The following TACC2 variants were observed in gnomAD, a reference collection of about 807,000 sequenced individuals.
The protein encoded by TACC2 is transforming acidic coiled-coil-containing protein 2.
TACC2 carries 137 observed loss-of-function variants against 227.3 expected under a neutral mutation model. That is an observed-to-expected ratio of 0.60 (90% CI 0.52 to 0.69). The LOEUF is 0.69. TACC2 is among the 30% of genes least tolerant of loss of function. The pLI is 0.00. For synonymous variants in TACC2, 1,523 were observed against 1,487.5 expected, an observed-to-expected ratio of 1.02 and a Z score of -0.55; for missense variants, 3,470 against 3,694.4, an observed-to-expected ratio of 0.94 and a Z score of 1.57.
In TACC2 at chr10:122,230,491, G is replaced by T. The variant is rs377135445; in HGVS notation, c.8127+51G>T. 859 of 1,535,258 alleles carry T rather than the reference G, an allele frequency of 5.6e-4. 2 individuals carry two copies. The highest frequency in any genetic ancestry group is 4.4e-4 in the South Asian group (39 of 89,540). ...ACCTCCTGAGAATGTCATGTGTGCC[G>T]CTGGGGTCCAGAAGCTGCTTTGCTA... is the stretch of plus-strand genomic sequence containing the variant. On this transcript the variant is annotated intron_variant, in intron 16 of 22. Coordinates refer to ENST00000369005, the MANE Select transcript of TACC2 (RefSeq NM_206862.4).
At chr10:122,253,157 C>T (rs986226542) in intron 22 of TACC2, among the ~76,000 whole-genome samples, 11 of 152,216 alleles carry the variant, frequency 7.2e-5, no homozygotes, top group African/African-American at 2.7e-4. Context: ...TTGGTGAAGA[C>T]TGATCTTCCA....
intron 5 of TACC2, among the ~76,000 whole-genome samples, chr10:122,117,426 G>T (rs2084908549): frequency 6.6e-6 from 1 of 152,012 alleles, no homozygotes; most frequent in African/African-American, 2.4e-5. Flanking sequence ...AACTCCTGCT[G>T]TCAAGTTATC....
chr10:122,182,177 G>T (rs562673020), intron 7 of TACC2, among the ~76,000 whole-genome samples: 1 of 152,326 alleles, frequency 6.6e-6, no homozygotes, highest in Admixed American at 6.5e-5. Context: ...TTGCCTTTTT[G>T]ATTAGGGAGA....
At chr10:122,155,931 G>T (rs1439315619) in intron 7 of TACC2, among the ~76,000 whole-genome samples, 1 of 139,710 alleles carries the variant, frequency 7.2e-6, no homozygotes, top group African/African-American at 2.7e-5. Flanking sequence ...TCCGCCTCCC[G>T]GGCTCACACC....
At chr10:122,076,113 G>T (rs896893038) in intron 3 of TACC2, among the ~76,000 whole-genome samples, 9 of 152,046 alleles carry the variant, frequency 5.9e-5, no homozygotes, top group African/African-American at 2.2e-4. Context: ...ATTTCTTACG[G>T]TTATGGAGGC....
Position 122,082,819 on chromosome 10 carries a change from C to T in TACC2, c.319C>T (p.Pro107Ser). The stretch of plus-strand genomic sequence containing the variant: ...ACCACCGTCCCAGGAGCGAGAGCAC[C>T]CCTCGTCCTCCATGCCCTTTGCCGA... The part of the protein sequence containing the change: ...SPPPSQEREH[P>S]SSSMPFAECP... The change falls in exon 4 of 23, where the codon CCC becomes TCC. Residue 107 changes from proline to serine, a missense_variant. Transcript: ENST00000369005. 5.6e-6 allele frequency: 9 copies of T among 1,613,704 alleles called. No individual in the cohort carries two copies. The highest frequency in any genetic ancestry group is 1.7e-5 in the Admixed American group (1 of 60,010).
chr10:122,024,474 G>C (rs542229829), intron 2 of TACC2, among the ~76,000 whole-genome samples: 1 of 152,180 alleles, frequency 6.6e-6, no homozygotes, highest in East Asian at 1.9e-4. Context: ...ATACTGACAC[G>C]GATACAGTCA....
At chr10:122,176,286 T>A (rs1010291610) in intron 7 of TACC2, among the ~76,000 whole-genome samples, 1 of 151,770 alleles carries the variant, frequency 6.6e-6, no homozygotes, top group Admixed American at 6.6e-5. Context: ...CTGGCTCTTT[T>A]AATATATGGG....
At chr10:121,990,764 C>T (rs1034793701) in intron 1 of TACC2, among the ~76,000 whole-genome samples, 2 of 152,022 alleles carry the variant, frequency 1.3e-5, no homozygotes, top group African/African-American at 4.8e-5. Context: ...ATTGTCTGGA[C>T]ATACCTGTTT....
chr10:122,067,470 G>T (rs1018839985), intron 3 of TACC2, among the ~76,000 whole-genome samples: 7 of 149,420 alleles, frequency 4.7e-5, no homozygotes, highest in African/African-American at 1.7e-4. Flanking sequence ...GTTTGGTTAC[G>T]ATATGCCTTG....
rs1306298193 is a variant in TACC2 at position 122,087,187 on chromosome 10, C to A, written c.4687C>A (p.Pro1563Thr). The A allele has an allele frequency of 6.2e-7, 1 of 1,611,586 alleles. No individual in the cohort carries two copies. The highest frequency in any genetic ancestry group is 1.3e-5 in the African/African-American group (1 of 74,882). The change falls in exon 4 of 23, where the codon CCA (proline) becomes ACA (threonine). Residue 1563 changes from proline to threonine, a missense_variant. By Grantham distance (38) the Pro-to-Thr change is conservative. Transcript: ENST00000369005. ...GGAATTAGCTTCAGGTCTTCCTTCA[C>A]CAGCAGCTACTCAGGAGCTCCCTGT... ...RQELASGLPS[P>T]AATQELPVER...
chr10:122,031,349 C>T (rs1229207345), intron 2 of TACC2, among the ~76,000 whole-genome samples: 2 of 151,342 alleles, frequency 1.3e-5, no homozygotes, highest in South Asian at 2.1e-4. Context: ...AAAAGATGCC[C>T]TTGGCAGGTC....
chr10:122,176,423 G>C (rs1281958986), intron 7 of TACC2, among the ~76,000 whole-genome samples: 1 of 152,086 alleles, frequency 6.6e-6, no homozygotes, highest in Non-Finnish European at 1.5e-5. Flanking sequence ...CCCTCGGTTG[G>C]ACAGTGGTTT....
At chr10:122,051,762 T>A (rs2075711417) in intron 3 of TACC2, 1 of 121,262 alleles carries the variant, frequency 8.2e-6, no homozygotes, top group South Asian at 3.0e-4. Flanking sequence ...AGACTCAAAG[T>A]GACTTTTTTT....
chr10:122,047,288 CAAAAAAAAAAAAA>C lies in TACC2; in HGVS notation c.34-3135_34-3123del, dbSNP rs371181114. On this transcript the variant is annotated intron_variant, in intron 2 of 22. Coordinates refer to ENST00000369005, the MANE Select transcript of TACC2 (RefSeq NM_206862.4). ...TGGGCAACAGAGCGAGACTCCGTCT[CAAAAAAAAAAAAA>C]AAAAAAAAAAAAAAGAATCTTTCTT... Among the ~76,000 whole-genome samples the C allele has an allele frequency of 1.5e-4, 9 of 60,882 alleles. No individual in the cohort carries two copies. In the East Asian group the frequency reaches 5.1e-3, roughly 34 times the overall value. The allele number at this position is 60,882 out of a possible 152,430, so 39.9% of individuals were successfully genotyped here.
chr10:122,111,415 G>C (rs2083585567), intron 5 of TACC2, among the ~76,000 whole-genome samples: 1 of 152,232 alleles, frequency 6.6e-6, no homozygotes, highest in Non-Finnish European at 1.5e-5. Flanking sequence ...TCGTTGCCCA[G>C]TTGAGGTGCT....
chr10:122,186,620 C>G (rs1236810507), intron 7 of TACC2, among the ~76,000 whole-genome samples: 1 of 152,132 alleles, frequency 6.6e-6, no homozygotes, highest in African/African-American at 2.4e-5. Context: ...TTAAGTAATT[C>G]TCCTGCCTCA....
chr10:122,236,588 ATTCCT>A (rs2095861191), intron 16 of TACC2, among the ~76,000 whole-genome samples: 1 of 151,892 alleles, frequency 6.6e-6, no homozygotes, highest in Non-Finnish European at 1.5e-5. Context: ...ATAACCACAG[ATTCCT>A]CCTCCTCACC....
At chr10:122,189,129 C>CA (rs2094319512) in intron 7 of TACC2, among the ~76,000 whole-genome samples, 1 of 152,094 alleles carries the variant, frequency 6.6e-6, no homozygotes, top group South Asian at 2.1e-4. Flanking sequence ...AAAAAAATGA[C>CA]CGGTCTGATC....
Sources: gnomAD v4.1 joint callset for allele counts (sites outside exome capture counted in the v4.1 genomes callset) on GRCh38, gnomAD v4.1.1 for gene constraint, MANE v1.5 for transcripts, NCBI Gene and HGNC (gene_info 2026-07-23, HGNC 2026-07-21) for gene names.